Variants in WASL observed in about 807,000 individuals in gnomAD.
WASL encodes WASP like actin nucleation promoting factor, also known as actin nucleation-promoting factor WASL.
In WASL, 20 loss-of-function variants were observed where a neutral mutation model predicts 55.5. The ratio of observed to expected loss-of-function variants is 0.36; its 90% CI spans 0.25 to 0.52. WASL has a LOEUF of 0.52. WASL is among the 20% of genes least tolerant of loss of function. WASL has a pLI of 0.92. For missense variants in WASL, 504 were observed against 622.5 expected, an observed-to-expected ratio of 0.81 and a Z score of 2.03; for synonymous variants, 249 against 217.6, an observed-to-expected ratio of 1.14 and a Z score of -1.27.
In WASL at chr7:123,692,716, A is replaced by G. The variant is rs1483848184; in HGVS notation, c.978T>C (p.Pro326=). 1.3e-6 allele frequency: 2 copies of G among 1,516,562 alleles called. No homozygotes were observed. The highest frequency in any genetic ancestry group is 2.8e-5 in the African/African-American group (2 of 71,316). 93.9% of individuals were successfully genotyped at this position (1,516,562 alleles called of 1,614,324 possible). Residue 326 remains proline (P), a synonymous_variant, in exon 9 of 11, where the codon CCT becomes CCC. Coordinates refer to ENST00000223023, the MANE Select transcript of WASL (RefSeq NM_003941.4). ...GGACTGCTACACTTGGCCTGGAAGG[A>G]GGCGGTGGTGGAGGTGCAGCTGTGG... ...RAPTAAPPPP[P]PSRPSVAVPP...
At chr7:123,710,195 A>C (rs1197788202) in intron 1 of WASL, among the ~76,000 whole-genome samples, 2 of 152,094 alleles carry the variant, frequency 1.3e-5, no homozygotes, top group Non-Finnish European at 2.9e-5. Flanking sequence ...TCTGAAAGCC[A>C]TAATTATGTT....
intron 9 of WASL, among the ~76,000 whole-genome samples, chr7:123,690,469 C>T (rs753639774): frequency 2.2e-5 from 3 of 136,874 alleles, no homozygotes; most frequent in African/African-American, 8.0e-5. Context: ...CAAAAAATAA[C>T]GAACTCGGAT....
intron 7 of WASL, 145 bp from the exon 8 acceptor site, chr7:123,695,013 T>C: frequency 1.2e-6 from 1 of 828,444 alleles, no homozygotes; most frequent in South Asian, 2.0e-5. Flanking sequence ...AAATATTTTA[T>C]TAAAAAAAAC....
intron 1 of WASL, among the ~76,000 whole-genome samples, chr7:123,735,743 A>G (rs1375835507): frequency 1.3e-5 from 2 of 152,168 alleles, no homozygotes; most frequent in African/African-American, 4.8e-5. Flanking sequence ...AAAGAAACAC[A>G]GAAAAGGAAA....
At chr7:123,724,047 G>A (rs1212498548) in intron 1 of WASL, among the ~76,000 whole-genome samples, 1 of 151,938 alleles carries the variant, frequency 6.6e-6, no homozygotes, top group African/African-American at 2.4e-5. Flanking sequence ...CCTTGCTTTG[G>A]CCTGAAGTAT....
chr7:123,710,113 G>C (rs780839382), intron 1 of WASL, among the ~76,000 whole-genome samples: 13 of 151,978 alleles, frequency 8.6e-5, no homozygotes, highest in Non-Finnish European at 1.6e-4. Context: ...TTATAACCTA[G>C]AATGTAACTA....
intron 1 of WASL, among the ~76,000 whole-genome samples, chr7:123,736,842 A>C (rs925331438): frequency 9.2e-5 from 14 of 152,214 alleles, no homozygotes; most frequent in African/African-American, 3.1e-4. Flanking sequence ...AATCAAGCCA[A>C]ATGTTTTTTG....
chr7:123,721,586 A>G (rs1249097375), intron 1 of WASL, among the ~76,000 whole-genome samples: 1 of 152,104 alleles, frequency 6.6e-6, no homozygotes, highest in African/African-American at 2.4e-5. Flanking sequence ...GAATCCAAGA[A>G]CCTTTCTCAA....
chr7:123,693,587 A>G (rs992285512), intron 8 of WASL, among the ~76,000 whole-genome samples: 4 of 152,252 alleles, frequency 2.6e-5, no homozygotes, highest in Non-Finnish European at 5.9e-5. Context: ...GCAAAATTAA[A>G]GTTATTAACA....
chr7:123,734,865 TATTA>T (rs1270575950), intron 1 of WASL, among the ~76,000 whole-genome samples: 2 of 152,004 alleles, frequency 1.3e-5, no homozygotes, highest in Admixed American at 1.3e-4. Flanking sequence ...TACAAAATAT[TATTA>T]ATAGGAGAAA....
At position 123,692,807 on chromosome 7, in the gene WASL, T is replaced by A. The variant is rs1395125644; in HGVS notation, c.887A>T (p.Asn296Ile). ...GPPPPPPPPH[N>I]SGPPPPPARG... ...AGCAGGAGGAGGAGGAGGACCTGAG[T>A]TGTGTGGAGGGGGAGGAGGAGGAGG... Residue 296 changes from asparagine (N) to isoleucine (I), a missense_variant, in exon 9 of 11, where the codon AAC becomes ATC. This residue lies in a region of WASL where 201 missense variants were observed against 206.2 expected (regional missense o/e 0.97). Transcript: ENST00000223023. The A allele has an allele frequency of 3.5e-6, 5 of 1,443,474 alleles. No homozygotes were observed. Among genetic ancestry groups the A allele is most frequent in the Admixed American group, 2.6e-5 (1 of 38,372 alleles). The allele number at this position is 1,443,474 out of a possible 1,614,324, so 89.4% of individuals were successfully genotyped here.
intron 1 of WASL, among the ~76,000 whole-genome samples, chr7:123,735,050 C>T (rs946397424): frequency 8.0e-5 from 12 of 149,954 alleles, no homozygotes; most frequent in Non-Finnish European, 4.4e-5. Flanking sequence ...AAACAAACAA[C>T]CAAGAATAAT....
In WASL at chr7:123,731,144, G is replaced by C. The variant is rs553738144; in HGVS notation, c.117+17474C>G. ...TTAATTTCAGGCAAAGTATGCTTCA[G>C]AGTAAGTATGTATACACACACATAT... is the stretch of plus-strand genomic sequence containing the variant. On this transcript the variant is annotated intron_variant, in intron 1 of 10. Transcript: ENST00000223023. 2.6e-5 allele frequency among the ~76,000 whole-genome samples: 4 copies of C among 152,240 alleles called. No individual in the cohort carries two copies. The East Asian group carries it at 7.7e-4, about 29-fold the overall frequency.
At chr7:123,730,345 A>G (rs1804116566) in intron 1 of WASL, among the ~76,000 whole-genome samples, 1 of 152,218 alleles carries the variant, frequency 6.6e-6, no homozygotes, top group Admixed American at 6.5e-5. Flanking sequence ...TTTGATTAAA[A>G]TAACAGTAGA....
At chr7:123,700,561 T>C (rs1803571795) in intron 5 of WASL, among the ~76,000 whole-genome samples, 5 of 152,020 alleles carry the variant, frequency 3.3e-5, no homozygotes, top group Admixed American at 1.3e-4. Flanking sequence ...TGCCTCAGCC[T>C]CCCAGGTGGC....
At chr7:123,747,246 A>G (rs1296771634) in intron 1 of WASL, among the ~76,000 whole-genome samples, 1 of 152,170 alleles carries the variant, frequency 6.6e-6, no homozygotes, top group Non-Finnish European at 1.5e-5. Flanking sequence ...GGCTCACTGG[A>G]TCAGTTTTCT....
At chr7:123,735,418 T>C (rs1584873418) in intron 1 of WASL, among the ~76,000 whole-genome samples, 1 of 140,184 alleles carries the variant, frequency 7.1e-6, no homozygotes. Context: ...ATAGTGAAAA[T>C]AGGAATAAAA....
chr7:123,732,308 T>C (rs1804153208), intron 1 of WASL, among the ~76,000 whole-genome samples: 1 of 151,876 alleles, frequency 6.6e-6, no homozygotes, highest in African/African-American at 2.4e-5. Flanking sequence ...CCAGCCTGGG[T>C]GATAGAGCGA....
At chr7:123,718,299 G>A (rs1803878255) in intron 1 of WASL, among the ~76,000 whole-genome samples, 1 of 152,110 alleles carries the variant, frequency 6.6e-6, no homozygotes, top group Non-Finnish European at 1.5e-5. Context: ...AGCCTTGCTT[G>A]GGGTGAGAAA....
Sources: allele counts gnomAD v4.1 joint callset (sites outside exome capture counted in the v4.1 genomes callset), GRCh38; gene constraint gnomAD v4.1.1; regional missense constraint gnomAD v4.1.1; transcripts MANE v1.5; gene names NCBI Gene and HGNC (gene_info 2026-07-23, HGNC 2026-07-21).